Variants in TJP1 observed in about 807,000 individuals in gnomAD.
TJP1 encodes tight junction protein ZO-1.
TJP1 carries 43 observed loss-of-function variants against 194.2 expected under a neutral mutation model. The ratio of observed to expected loss-of-function variants is 0.22; its 90% CI spans 0.17 to 0.29. The LOEUF is 0.29. Ranked by LOEUF, TJP1 falls within the 10% of genes least tolerant of loss-of-function variation. The pLI is 1.00. For synonymous variants in TJP1, 801 were observed against 779.0 expected, an observed-to-expected ratio of 1.03 and a Z score of -0.47; for missense variants, 1,971 against 2,185.7, an observed-to-expected ratio of 0.90 and a Z score of 1.96.
intron 2 of TJP1, among the ~76,000 whole-genome samples, chr15:29,913,849 A>G (rs1427599373): frequency 1.3e-5 from 2 of 152,218 alleles, no homozygotes; most frequent in Non-Finnish European, 2.9e-5. Context: ...TCTTAGCTGG[A>G]GATTTTCTTC....
intron 2 of TJP1, among the ~76,000 whole-genome samples, chr15:29,791,743 C>T (rs1420021429): frequency 2.0e-5 from 3 of 152,046 alleles, no homozygotes; most frequent in African/African-American, 4.8e-5. Flanking sequence ...CTATCAACAA[C>T]GTATAAGAGT....
In TJP1 at chr15:29,897,625, C is replaced by T. The variant is rs116575835; in HGVS notation, c.306+58607G>A. On this transcript the variant is annotated intron_variant, in intron 2 of 28. Transcript: ENST00000356107. ...AGCCGCAAACACCTGAATACCAGTC[C>T]GTAAAAGCAGCTGGGAGGGAGGTGG... Among the ~76,000 whole-genome samples the T allele has an allele frequency of 1.6e-3, 248 of 152,272 alleles. 2 individuals carry two copies. Among genetic ancestry groups the T allele is most frequent in the African/African-American group, 5.7e-3 (238 of 41,546 alleles).
intron 2 of TJP1, among the ~76,000 whole-genome samples, chr15:29,888,638 A>C (rs946996036): frequency 6.6e-6 from 1 of 152,218 alleles, no homozygotes; most frequent in Non-Finnish European, 1.5e-5. Flanking sequence ...TAAAATGGTG[A>C]GCAACACAAA....
At chr15:29,780,843 G>T (rs554146276) in intron 2 of TJP1, among the ~76,000 whole-genome samples, 1 of 152,032 alleles carries the variant, frequency 6.6e-6, no homozygotes, top group African/African-American at 2.4e-5. Context: ...AAGTAAAAAA[G>T]AAATCAACCT....
intron 2 of TJP1, among the ~76,000 whole-genome samples, chr15:29,862,792 T>C (rs2052135858): frequency 2.0e-5 from 3 of 151,120 alleles, no homozygotes; most frequent in South Asian, 2.1e-4. Flanking sequence ...GGACTACAGG[T>C]GCCTGCCACC....
At chr15:29,750,448 GTTC>G (rs977966952) in intron 8 of TJP1, among the ~76,000 whole-genome samples, 10 of 152,140 alleles carry the variant, frequency 6.6e-5, no homozygotes, top group African/African-American at 2.4e-4. Context: ...CCTATCCGTG[GTTC>G]TTAATCTTCA....
At chr15:29,803,282 T>C (rs1451008893) in intron 1 of TJP1, among the ~76,000 whole-genome samples, 1 of 152,192 alleles carries the variant, frequency 6.6e-6, no homozygotes, top group Admixed American at 6.5e-5. Flanking sequence ...TGACTTAGGA[T>C]GGGTCAACTT....
chr15:29,795,176 C>A (rs1334911280), intron 2 of TJP1, among the ~76,000 whole-genome samples: 1 of 152,080 alleles, frequency 6.6e-6, no homozygotes, highest in Non-Finnish European at 1.5e-5. Context: ...GTAATCCCAG[C>A]ACTTTGGGAG....
chr15:29,911,561 C>T (rs1426734695), intron 2 of TJP1, among the ~76,000 whole-genome samples: 1 of 152,104 alleles, frequency 6.6e-6, no homozygotes, highest in African/African-American at 2.4e-5. Context: ...CACATCTTCA[C>T]ATGGCCAGCA....
chr15:29,968,568 C>T (rs1430444238), intron 1 of TJP1: 14 of 837,504 alleles, frequency 1.7e-5, no homozygotes, highest in Non-Finnish European at 2.0e-5. Flanking sequence ...CCTCGCCCCC[C>T]GCCCGACCGC....
chr15:29,909,338 C>CAAA (rs11353216), intron 2 of TJP1, among the ~76,000 whole-genome samples: 11,095 of 93,470 alleles, frequency 0.12, 690 homozygotes, highest in East Asian at 0.27. Flanking sequence ...ACTTCATCTC[C>CAAA]AAAAAAAAAA....
Position 29,719,849 on chromosome 15 carries a change from T to G in TJP1, c.2931A>C (p.Pro977=). 6.2e-7 allele frequency: 1 copy of G among 1,614,170 alleles called. No individual in the cohort carries two copies. Among genetic ancestry groups the G allele is most frequent in the Non-Finnish European group, 8.5e-7 (1 of 1,180,024 alleles). The change falls in exon 20 of 28, where the codon CCA becomes CCC. Residue 977 remains proline (P), a synonymous_variant. Transcript: ENST00000614355. ...GCATTATGTGAGCTGCCTCAGTACT[T>G]GGTGTTCTTAAAGAATCAGCTTGTG... ...YSPQADSLRT[P]STEAAHIMLR...
chr15:29,910,056 ATTTG>A (rs2053966337), intron 2 of TJP1, among the ~76,000 whole-genome samples: 1 of 152,228 alleles, frequency 6.6e-6, no homozygotes, highest in Non-Finnish European at 1.5e-5. Flanking sequence ...GCAACGTGAT[ATTTG>A]TTTATTTGTA....
chr15:29,918,563 C>T (rs1388467345), intron 2 of TJP1, among the ~76,000 whole-genome samples: 1 of 151,886 alleles, frequency 6.6e-6, no homozygotes, highest in Non-Finnish European at 1.5e-5. Flanking sequence ...GGCGAAACCC[C>T]ATCATTACAA....
At chr15:29,902,595 A>G (rs2053667783) in intron 2 of TJP1, among the ~76,000 whole-genome samples, 1 of 152,304 alleles carries the variant, frequency 6.6e-6, no homozygotes, top group African/African-American at 2.4e-5. Flanking sequence ...AAATTCCTTT[A>G]TTTAATAAAT....
chr15:29,898,977 T>A (rs2053559577), intron 2 of TJP1, among the ~76,000 whole-genome samples: 1 of 152,196 alleles, frequency 6.6e-6, no homozygotes, highest in South Asian at 2.1e-4. Context: ...TCAGCTAATA[T>A]GGATGGTTGA....
intron 2 of TJP1, among the ~76,000 whole-genome samples, chr15:29,928,122 A>C (rs2054582269): frequency 6.6e-6 from 1 of 152,166 alleles, no homozygotes; most frequent in Admixed American, 6.5e-5. Context: ...TAGAAAAAAA[A>C]AACCACTAGT....
chr15:29,872,013 C>A (rs1258175010), intron 2 of TJP1, among the ~76,000 whole-genome samples: 1 of 152,194 alleles, frequency 6.6e-6, no homozygotes, highest in African/African-American at 2.4e-5. Context: ...GAACACACAG[C>A]ACACAGCTGT....
intron 2 of TJP1, among the ~76,000 whole-genome samples, chr15:29,949,712 A>ACCACCACCACC (rs2055558365): frequency 1.0e-5 from 1 of 100,124 alleles, no homozygotes; most frequent in Non-Finnish European, 2.0e-5. Flanking sequence ...CACCACCTCC[A>ACCACCACCACC]TCACCTCCAC....
Sources: allele counts gnomAD v4.1 joint callset (sites outside exome capture counted in the v4.1 genomes callset), GRCh38; gene constraint gnomAD v4.1.1; transcripts MANE v1.5; gene names NCBI Gene and HGNC (gene_info 2026-07-23, HGNC 2026-07-21).